The following TWF1 variants were observed in gnomAD, a reference collection of about 807,000 sequenced individuals.
TWF1 encodes the protein twinfilin actin binding protein 1.
A neutral mutation model predicts 47.9 loss-of-function variants in TWF1; 14 were observed. The observed-to-expected ratio is 0.29, with a 90% CI of 0.19 to 0.46. The LOEUF is 0.46. Among genes scored for constraint, TWF1 ranks in the 20% least tolerant of loss-of-function variants. TWF1 has a pLI of 1.00. For synonymous variants in TWF1, 96 were observed against 139.2 expected (o/e 0.69, Z 2.18); for missense variants, 281 against 409.3 (o/e 0.69, Z 2.70).
Position 43,804,555 on chromosome 12 carries a change from CTT to C in TWF1, c.41_42del (p.Lys14ArgfsTer19). 2 of 1,600,306 alleles carry C rather than the reference CTT, an allele frequency of 1.2e-6. No homozygotes were observed. The highest frequency in any genetic ancestry group is 1.7e-6 in the Non-Finnish European group (2 of 1,174,298). ...QTGIQASEDV[K>X]EIFARARNGK... ...CCATTTCTGGCTCTGGCAAAGATCT[CTT>C]TAACATCTTCACTTGCTGTGGAAAA... is the stretch of plus-strand genomic sequence containing the variant. On this transcript the variant is annotated frameshift_variant, in exon 2 of 9. Transcript: ENST00000395510. LOFTEE classifies it high-confidence loss of function.
At chr12:43,796,887 T>G in intron 8 of TWF1, 89 bp downstream of exon 8, 1 of 1,349,864 alleles carries the variant, frequency 7.4e-7, no homozygotes, top group Non-Finnish European at 1.0e-6. Flanking sequence ...ATAAATATTT[T>G]CATTTATAAA....
rs748305566 is a variant in TWF1 at position 43,797,334 on chromosome 12, T to C, written c.728A>G (p.His243Arg). The change falls in exon 7 of 9, where the codon CAT (histidine) becomes CGT (arginine). Residue 243 changes from histidine to arginine, a missense_variant. His to Arg is a conservative substitution (Grantham distance 29). Coordinates refer to ENST00000395510, the MANE Select transcript of TWF1 (RefSeq NM_002822.5). ...CTCTAAATAGTCTCCTTCATGGGAATGTTTATACAGAAAGAAATGGTAACG... is the reference window on the plus strand; with the variant it reads ...CTCTAAATAGTCTCCTTCATGGGAACGTTTATACAGAAAGAAATGGTAACG... ...SARYHFFLYK[H>R]SHEGDYLESI... is the part of the protein sequence containing the mutation. 3.1e-6 allele frequency: 5 copies of C among 1,599,650 alleles called. No homozygotes were observed. In the East Asian group the frequency reaches 1.1e-4, roughly 36 times the overall value.
In TWF1 at chr12:43,804,544, G is replaced by A. The variant is rs1177955379; in HGVS notation, c.54C>T (p.Ala18=). The change falls in exon 2 of 9, where the codon GCC becomes GCT. Residue 18 remains alanine (A), a synonymous_variant. Transcript: ENST00000395510. ...GTCTGTACTTTCCATTTCTGGCTCT[G>A]GCAAAGATCTCTTTAACATCTTCAC... ...QASEDVKEIF[A]RARNGKYRLL... is the part of the protein sequence containing the mutation. 3 of 1,602,594 alleles carry A rather than the reference G, an allele frequency of 1.9e-6. No homozygotes were observed. Among genetic ancestry groups the A allele is most frequent in the South Asian group, 1.1e-5 (1 of 87,598 alleles).
intron 8 of TWF1, among the ~76,000 whole-genome samples, chr12:43,796,700 T>C (rs1182109840): frequency 1.3e-5 from 2 of 152,044 alleles, no homozygotes; most frequent in African/African-American, 2.4e-5. Flanking sequence ...ATTTAGCTAA[T>C]GAGAATTTGA....
At position 43,800,491 on chromosome 12, in the gene TWF1, G is replaced by A. The variant is rs1942639735; in HGVS notation, c.322C>T (p.Leu108=). 1 of 1,613,664 alleles carries A rather than the reference G, an allele frequency of 6.2e-7. No homozygotes were observed. Among genetic ancestry groups the A allele is most frequent in the African/African-American group, 1.3e-5 (1 of 74,984 alleles). The change falls in exon 4 of 9, where the codon CTG becomes TTG. Residue 108 remains leucine, a synonymous_variant. Transcript: ENST00000395510. ...TGGCCACCTCCAAATTCCTTCTTCA[G>A]AGTTGCTCTTGTTGCTGCATACAAC... The part of the protein sequence containing the change: ...KMLYAATRAT[L]KKEFGGGHIK...
chr12:43,805,394 CAT>C, intron 1 of TWF1: 1 of 358,310 alleles, frequency 2.8e-6, no homozygotes, highest in Non-Finnish European at 5.6e-6. Context: ...ACGAATAAAA[CAT>C]ACAATTAAGT....
intron 1 of TWF1, 146 bp downstream of exon 1, chr12:43,806,075 G>C (rs1196486238): frequency 1.3e-6 from 2 of 1,517,590 alleles, no homozygotes; most frequent in Non-Finnish European, 1.8e-6. Flanking sequence ...GCAGGAGCGC[G>C]GAGAGGCGCC....
At chr12:43,798,260 T>C (rs1378144535) in intron 5 of TWF1, among the ~76,000 whole-genome samples, 3 of 152,018 alleles carry the variant, frequency 2.0e-5, no homozygotes, top group African/African-American at 7.2e-5. Context: ...TTGAAAGGAG[T>C]ACAAACAGTG....
chr12:43,797,442 A>G lies in TWF1; in HGVS notation c.620T>C (p.Ile207Thr). 1.3e-6 allele frequency: 2 copies of G among 1,590,232 alleles called. No individual in the cohort carries two copies. The highest frequency in any genetic ancestry group is 1.7e-6 in the Non-Finnish European group (2 of 1,167,468). Residue 207 changes from isoleucine (I) to threonine (T), a missense_variant, in exon 7 of 9, where the codon ATA (isoleucine) becomes ACA (threonine). Coordinates refer to ENST00000395510, the MANE Select transcript of TWF1 (RefSeq NM_002822.5). ...GGCCAAAATTATAATTTCATTTTTT[A>G]TATCTATTTCCTGCCAATAAGAAAC... is the stretch of plus-strand genomic sequence containing the variant. ...QLNYVQLEID[I>T]KNEIIILANT...
intron 3 of TWF1, among the ~76,000 whole-genome samples, chr12:43,801,464 TA>T (rs1332758035): frequency 1.3e-5 from 2 of 152,192 alleles, no homozygotes; most frequent in African/African-American, 4.8e-5. Flanking sequence ...TATTTTTTAA[TA>T]AGAAAAATTC....
At chr12:43,805,785 A>G (rs1365161516) in intron 1 of TWF1, 3 of 1,354,630 alleles carry the variant, frequency 2.2e-6, no homozygotes, top group East Asian at 9.0e-5. Flanking sequence ...TTTTGTAATC[A>G]AAGTCCTGTA....
At chr12:43,803,440 G>C (rs749188388) in intron 2 of TWF1, among the ~76,000 whole-genome samples, 10 of 152,020 alleles carry the variant, frequency 6.6e-5, no homozygotes, top group African/African-American at 2.4e-4. Context: ...TAAAATGTTA[G>C]CAGTTATTAA....
chr12:43,797,053 G>A lies in TWF1; in HGVS notation c.805C>T (p.Arg269Trp), dbSNP rs770428704. Residue 269 changes from arginine (R) to tryptophan (W), a missense_variant, in exon 8 of 9, where the codon CGG (arginine) becomes TGG (tryptophan). Transcript: ENST00000395510. ...MPGYTCSIRE[R>W]MLYSSCKSRL... ...CTCTTGCAGCTAGAATACAGCATCC[G>A]CTCTCTTATACTGCATGTGTATCCA... 14 of 1,610,112 alleles carry A rather than the reference G, an allele frequency of 8.7e-6. No individual in the cohort carries two copies. Among genetic ancestry groups the A allele is most frequent in the Admixed American group, 5.0e-5 (3 of 59,852 alleles).
intron 5 of TWF1, chr12:43,798,554 C>A: frequency 6.6e-6 from 10 of 1,519,376 alleles, no homozygotes; most frequent in Admixed American, 2.1e-5. Flanking sequence ...AGAACATATG[C>A]GAATGCATAC....
chr12:43,795,099 A>G lies in TWF1; in HGVS notation c.*486T>C, dbSNP rs991979455. Reference sequence around the variant, plus strand: ...CTAAAAGTTGCAGACATGATCCTACAGTCTGACAGAGCTAGCACAGCTACT... The same window carrying G: ...CTAAAAGTTGCAGACATGATCCTACGGTCTGACAGAGCTAGCACAGCTACT... On this transcript the variant is annotated 3_prime_UTR_variant, in exon 9 of 9. Transcript: ENST00000395510. 3 of 152,554 alleles carry G rather than the reference A, an allele frequency of 2.0e-5. No homozygotes were observed. Among genetic ancestry groups the G allele is most frequent in the Non-Finnish European group, 4.4e-5 (3 of 68,272 alleles). 9.5% of individuals were successfully genotyped at this position (152,554 alleles called of 1,614,324 possible). A position where few individuals can be genotyped will look rare whatever the true frequency, so the allele number is the denominator to read the frequency against.
In TWF1 at chr12:43,795,746, C is replaced by T; in HGVS notation, c.892G>A (p.Asp298Asn). The T allele has an allele frequency of 6.2e-7, 1 of 1,613,186 alleles. No homozygotes were observed. Among genetic ancestry groups the T allele is most frequent in the South Asian group, 1.1e-5 (1 of 91,018 alleles). The change falls in exon 9 of 9, where the codon GAC becomes AAC. Residue 298 changes from aspartate to asparagine, a missense_variant. By Grantham distance (23) the Asp-to-Asn change is conservative. Coordinates refer to ENST00000395510, the MANE Select transcript of TWF1 (RefSeq NM_002822.5). The part of the protein sequence containing the change: ...QMDVIRKIEI[D>N]NGDELTADFL... Reference sequence around the variant, plus strand: ...TCTGCAGTCAACTCATCCCCATTGTCTATCTCGATCTGTAAAAGATAAAAT... The same window carrying T: ...TCTGCAGTCAACTCATCCCCATTGTTTATCTCGATCTGTAAAAGATAAAAT...
At chr12:43,805,675 T>A (rs1473241621) in intron 1 of TWF1, 1 of 738,274 alleles carries the variant, frequency 1.4e-6, no homozygotes, top group Non-Finnish European at 2.1e-6. Flanking sequence ...ACACTCGAGA[T>A]TTCTCAGAAC....
At chr12:43,803,788 A>C (rs923217206) in intron 2 of TWF1, among the ~76,000 whole-genome samples, 1 of 152,148 alleles carries the variant, frequency 6.6e-6, no homozygotes, top group Admixed American at 6.5e-5. Flanking sequence ...AAAACAAATT[A>C]GATTTACTTC....
rs147256169 is a variant in TWF1, at chr12:43,797,578, G to GA, written c.610-127dup. 1,039 of 1,410,542 alleles carry GA rather than the reference G, an allele frequency of 7.4e-4. 4 individuals carry two copies. In the African/African-American group the frequency reaches 0.014, roughly 19 times the overall value. 87.4% of individuals were successfully genotyped at this position (1,410,542 alleles called of 1,614,324 possible). On this transcript the variant is annotated intron_variant, in intron 6 of 8. Coordinates refer to ENST00000395510, the MANE Select transcript of TWF1 (RefSeq NM_002822.5). The stretch of plus-strand genomic sequence containing the variant: ...CTGGATGGTTTGACTTTTTCACAAT[G>GA]AACATTTACAAAATGAATTTTAGAA...
Sources: allele counts gnomAD v4.1 joint callset (sites outside exome capture counted in the v4.1 genomes callset), GRCh38; gene constraint gnomAD v4.1.1; transcripts MANE v1.5; gene names NCBI Gene and HGNC (gene_info 2026-07-23, HGNC 2026-07-21).